The following ZNF518B variants were observed in gnomAD, a reference collection of about 807,000 sequenced individuals.
The protein encoded by ZNF518B is zinc finger protein 518B.
Under a neutral mutation model 56.3 loss-of-function variants are expected in ZNF518B, and 23 were observed. The ratio of observed to expected loss-of-function variants is 0.41; its 90% confidence interval spans 0.29 to 0.58. The LOEUF (loss-of-function observed/expected upper bound fraction) is 0.58, where lower values mean the gene tolerates loss of function less well. Ranked by LOEUF, ZNF518B falls within the 20% of genes least tolerant of loss-of-function variation. ZNF518B has a pLI of 0.32. For synonymous variants in ZNF518B, 529 were observed against 465.9 expected (o/e 1.14, Z -1.74); for missense variants, 1,460 against 1,272.1 (o/e 1.15, Z -2.25).
chr4:10,445,499 A>G lies in ZNF518B; in HGVS notation c.830T>C (p.Leu277Ser). ...TTGGTATTCCTTTGGTTCAGGTAAC[A>G]ACATGATATTGTGCATTTTGTCTTT... is the stretch of plus-strand genomic sequence containing the variant. ...ANKDKMHNIM[L>S]LPEPKEYQKD... is the part of the protein sequence containing the mutation. Residue 277 changes from leucine to serine, a missense_variant, in exon 3 of 3, where the codon TTG becomes TCG. By Grantham distance (145) the Leu-to-Ser change is moderately radical. Transcript: ENST00000326756. 1.2e-6 allele frequency: 2 copies of G among 1,614,242 alleles called. No individual in the cohort carries two copies. Among genetic ancestry groups the G allele is most frequent in the African/African-American group, 1.3e-5 (1 of 75,058 alleles).
Position 10,446,124 on chromosome 4 carries a change from T to G in ZNF518B, c.205A>C (p.Ile69Leu). 2 of 1,614,148 alleles carry G rather than the reference T, an allele frequency of 1.2e-6. No individual in the cohort carries two copies. The highest frequency in any genetic ancestry group is 8.5e-7 in the Non-Finnish European group (1 of 1,180,020). Residue 69 changes from isoleucine (I) to leucine (L), a missense_variant, in exon 3 of 3, where the codon ATC becomes CTC. By Grantham distance (5) the Ile-to-Leu change is conservative. Coordinates refer to ENST00000326756, the MANE Select transcript of ZNF518B (RefSeq NM_053042.3). Reference protein sequence around the residue: ...TCAKCKSVHKISLQDLQKGTG... With the variant: ...TCAKCKSVHKLSLQDLQKGTG... ...CCCTTCTGCAAATCTTGAAGAGAGA[T>G]CTTGTGAACACTTTTGCACTTTGCA...
chr4:10,448,190 G>C (rs1715152540), intron 2 of ZNF518B, among the ~76,000 whole-genome samples: 1 of 152,318 alleles, frequency 6.6e-6, no homozygotes, highest in South Asian at 2.1e-4. Flanking sequence ...GAACACTAGA[G>C]TATAAGAGAA....
At chr4:10,447,366 G>C (rs1195127449) in intron 2 of ZNF518B, among the ~76,000 whole-genome samples, 1 of 152,138 alleles carries the variant, frequency 6.6e-6, no homozygotes, top group Non-Finnish European at 1.5e-5. Flanking sequence ...TCTGAGCAGA[G>C]ACCTGGGGGC....
rs11941522 is a variant in ZNF518B, at chr4:10,455,628, C to T, written c.-395-640G>A. ...AGATCTAAATGGATTTTTTTAATTG[C>T]CATTTTGCATTTTTAAGATCTTCAG... On this transcript the variant is annotated intron_variant, in intron 1 of 2. Transcript: ENST00000326756. 7.7e-3 allele frequency among the ~76,000 whole-genome samples: 1,163 copies of T among 151,984 alleles called. 13 individuals are homozygous for T. Among genetic ancestry groups the T allele is most frequent in the African/African-American group, 0.027 (1,105 of 41,420 alleles).
intron 2 of ZNF518B, among the ~76,000 whole-genome samples, chr4:10,447,342 A>G (rs1039360011): frequency 3.9e-5 from 6 of 152,150 alleles, no homozygotes; most frequent in Non-Finnish European, 8.8e-5. Context: ...GAGAGGCCTC[A>G]TGCTAAGTTC....
rs1260012764 is a variant in ZNF518B, at chr4:10,442,934, C to G, written c.*170G>C. ...AGAGCCTTCAAATACATTCTGGGGTCCAATCACATACTTCAGGTTCAGACT... is the reference window on the plus strand; with the variant it reads ...AGAGCCTTCAAATACATTCTGGGGTGCAATCACATACTTCAGGTTCAGACT... On this transcript the variant is annotated 3_prime_UTR_variant, in exon 3 of 3. Coordinates refer to ENST00000326756, the MANE Select transcript of ZNF518B (RefSeq NM_053042.3). The G allele has an allele frequency of 1.7e-6, 1 of 598,182 alleles. No homozygotes were observed. The highest frequency in any genetic ancestry group is 2.8e-6 in the Non-Finnish European group (1 of 351,936). The allele number at this position is 598,182 out of a possible 1,614,324, so 37.1% of individuals were successfully genotyped here. A position where few individuals can be genotyped will look rare whatever the true frequency, so the allele number is the denominator to read the frequency against.
At chr4:10,450,469 AGGTAAAT>A (rs1471503344) in intron 2 of ZNF518B, among the ~76,000 whole-genome samples, 1 of 152,198 alleles carries the variant, frequency 6.6e-6, no homozygotes, top group African/African-American at 2.4e-5. Flanking sequence ...CTCCAAGACA[AGGTAAAT>A]GGACACAGCC....
At chr4:10,451,467 G>A (rs2108994167) in intron 2 of ZNF518B, 1 of 152,284 alleles carries the variant, frequency 6.6e-6, no homozygotes, top group East Asian at 1.9e-4. Flanking sequence ...CCTGTAAAAT[G>A]AGATAGAAAC....
At chr4:10,458,925 CAA>C (rs1715656274), upstream of ZNF518B, among the ~76,000 whole-genome samples, 1 of 152,154 alleles carries the variant, frequency 6.6e-6, no homozygotes, top group Non-Finnish European at 1.5e-5. Context: ...TAAGGAGAGG[CAA>C]CTCTCCTTAT....
In ZNF518B at chr4:10,446,250, G is replaced by A. The variant is rs1014887362; in HGVS notation, c.79C>T (p.Pro27Ser). 9 of 1,614,080 alleles carry A rather than the reference G, an allele frequency of 5.6e-6. No homozygotes were observed. The highest frequency in any genetic ancestry group is 7.6e-6 in the Non-Finnish European group (9 of 1,180,052). Residue 27 changes from proline to serine, a missense_variant, in exon 3 of 3, where the codon CCT (proline) becomes TCT (serine). Transcript: ENST00000326756. The part of the protein sequence containing the change: ...HNSLTMSPKQ[P>S]DANGAPRPNR... ...GGCCGAGGTGCTCCATTAGCATCAG[G>A]CTGTTTGGGTGACATGGTCAAGGAA...
Position 10,445,500 on chromosome 4 carries a change from A to T in ZNF518B, c.829T>A (p.Leu277Met), listed in dbSNP as rs781066559. The change falls in exon 3 of 3, where the codon TTG becomes ATG. Residue 277 changes from leucine to methionine, a missense_variant. Transcript: ENST00000326756. ...ANKDKMHNIM[L>M]LPEPKEYQKD... The stretch of plus-strand genomic sequence containing the variant: ...TGGTATTCCTTTGGTTCAGGTAACA[A>T]CATGATATTGTGCATTTTGTCTTTA... 2 of 1,614,250 alleles carry T rather than the reference A, an allele frequency of 1.2e-6. No homozygotes were observed. The highest frequency in any genetic ancestry group is 1.1e-5 in the South Asian group (1 of 91,090).
At position 10,442,950 on chromosome 4, in the gene ZNF518B, G is replaced by C. The variant is rs922225230; in HGVS notation, c.*154C>G. On this transcript the variant is annotated 3_prime_UTR_variant, in exon 3 of 3. Transcript: ENST00000326756. ...TTCTGGGGTCCAATCACATACTTCA[G>C]GTTCAGACTCCTAGCTCCCAATATT... The C allele has an allele frequency of 1.5e-6, 1 of 674,568 alleles. No individual in the cohort carries two copies. The highest frequency in any genetic ancestry group is 1.8e-5 in the African/African-American group (1 of 55,504). The allele number at this position is 674,568 out of a possible 1,614,324, so 41.8% of individuals were successfully genotyped here. A position where few individuals can be genotyped will look rare whatever the true frequency, so the allele number is the denominator to read the frequency against.
upstream of ZNF518B, among the ~76,000 whole-genome samples, chr4:10,461,019 G>A (rs1363949195): frequency 1.3e-5 from 2 of 152,208 alleles, no homozygotes; most frequent in African/African-American, 4.8e-5. Context: ...GGCCCCCCAA[G>A]CTCTGATAAG....
In ZNF518B at chr4:10,446,330, T is replaced by G. The variant is rs771822272; in HGVS notation, c.-2A>C. On this transcript the variant is annotated 5_prime_UTR_variant, in exon 3 of 3. Coordinates refer to ENST00000326756, the MANE Select transcript of ZNF518B (RefSeq NM_053042.3). ...TAGCTGCTGTCCAATATCCTTCATC[T>G]TATCTGCATTTCTAAAAAGAGCCAA... The G allele has an allele frequency of 1.3e-6, 2 of 1,598,386 alleles. No homozygotes were observed. The highest frequency in any genetic ancestry group is 1.1e-5 in the South Asian group (1 of 90,150).
intron 2 of ZNF518B, among the ~76,000 whole-genome samples, chr4:10,448,507 C>T (rs912108953): frequency 1.3e-5 from 2 of 152,082 alleles, no homozygotes; most frequent in South Asian, 2.1e-4. Context: ...TTGGCAGTGT[C>T]GTCTTTTCCT....
chr4:10,456,608 G>A (rs997629298), intron 1 of ZNF518B, among the ~76,000 whole-genome samples: 1 of 152,156 alleles, frequency 6.6e-6, no homozygotes, highest in Admixed American at 6.5e-5. Context: ...TTGTCGGCAC[G>A]CTCCCCCGAT....
At position 10,444,314 on chromosome 4, in the gene ZNF518B, A is replaced by T; in HGVS notation, c.2015T>A (p.Leu672Ter). Residue 672 changes from leucine to a stop codon, truncating the protein, a stop_gained, in exon 3 of 3, where the codon TTA becomes TAA. Transcript: ENST00000326756. LOFTEE classifies it high-confidence loss of function. The stretch of plus-strand genomic sequence containing the variant: ...TGACGGCTTCCCACAGGACTCAATT[A>T]ACTGAGCTATCTTTCTGCGCAACAG... ...IELLRRKIAQ[L>*]IESCGKPSSL... 1 of 1,614,188 alleles carries T rather than the reference A, an allele frequency of 6.2e-7. No homozygotes were observed. Among genetic ancestry groups the T allele is most frequent in the Non-Finnish European group, 8.5e-7 (1 of 1,180,028 alleles).
In ZNF518B at chr4:10,449,575, C is replaced by A. The variant is rs372154520; in HGVS notation, c.-211-3036G>T. Among the ~76,000 whole-genome samples the A allele has an allele frequency of 3.3e-5, 5 of 152,272 alleles. No homozygotes were observed. In the East Asian group the frequency reaches 7.7e-4, roughly 23 times the overall value. On this transcript the variant is annotated intron_variant, in intron 2 of 2. Transcript: ENST00000326756. ...TTGTTCTGCCTTGACTCTGGAGCAACAAAAATAAACTTAATTCCTCTTGGT... is the reference window on the plus strand; with the variant it reads ...TTGTTCTGCCTTGACTCTGGAGCAAAAAAAATAAACTTAATTCCTCTTGGT...
At chr4:10,450,494 A>C (rs1715255318) in intron 2 of ZNF518B, among the ~76,000 whole-genome samples, 1 of 152,222 alleles carries the variant, frequency 6.6e-6, no homozygotes, top group Non-Finnish European at 1.5e-5. Context: ...GCCACATGGA[A>C]GAATGAAGAT....
Sources: allele counts gnomAD v4.1 joint callset (sites outside exome capture counted in the v4.1 genomes callset), GRCh38; gene constraint gnomAD v4.1.1; transcripts MANE v1.5; gene names NCBI Gene and HGNC (gene_info 2026-07-23, HGNC 2026-07-21).